Variants in TTBK2 observed in about 807,000 individuals in gnomAD.
The protein encoded by TTBK2 is tau tubulin kinase 2.
TTBK2 carries 28 observed loss-of-function variants against 110.8 expected under a neutral mutation model. That is an observed-to-expected ratio of 0.25 (90% CI 0.19 to 0.35). TTBK2 has a LOEUF of 0.35. TTBK2 is among the 10% of genes least tolerant of loss of function. The pLI is 1.00. For synonymous variants in TTBK2, 532 were observed against 527.3 expected (o/e 1.01, Z -0.12); for missense variants, 1,369 against 1,500.3 (o/e 0.91, Z 1.45).
At chr15:42,771,277 GC>G in intron 13 of TTBK2, among the ~76,000 whole-genome samples, 1 of 151,952 alleles carries the variant, frequency 6.6e-6, no homozygotes, top group Non-Finnish European at 1.5e-5. Context: ...CCGGCCTGAA[GC>G]ATTCCTTAAC....
intron 1 of TTBK2, among the ~76,000 whole-genome samples, chr15:42,886,653 G>A (rs1190066097): frequency 1.3e-5 from 2 of 152,138 alleles, no homozygotes; most frequent in Non-Finnish European, 2.9e-5. Context: ...CACCTTCAAG[G>A]TGTACAGTAA....
Position 42,763,153 on chromosome 15 carries a change from T to C in TTBK2, c.1999-9906A>G, listed in dbSNP as rs1324069860. ...ATACATATATACATACATATATATA[T>C]ATACATATATATATATATATATATA... is the stretch of plus-strand genomic sequence containing the variant. On this transcript the variant is annotated intron_variant, in intron 13 of 14. Coordinates refer to ENST00000267890, the MANE Select transcript of TTBK2 (RefSeq NM_173500.4). Among the ~76,000 whole-genome samples the C allele has an allele frequency of 1.5e-3, 86 of 56,818 alleles. 2 individuals are homozygous for C. The highest frequency in any genetic ancestry group is 9.3e-3 in the African/African-American group (75 of 8,040). 37.3% of individuals were successfully genotyped at this position (56,818 alleles called of 152,430 possible).
At chr15:42,829,914 G>A (rs760426943) in intron 5 of TTBK2, 24 bp downstream of exon 5, 3 of 1,613,554 alleles carry the variant, frequency 1.9e-6, no homozygotes, top group Non-Finnish European at 2.5e-6. Context: ...CTCATTCTGT[G>A]CTCTGGATAG....
At chr15:42,908,626 T>C (rs1239738851) in intron 1 of TTBK2, among the ~76,000 whole-genome samples, 1 of 152,242 alleles carries the variant, frequency 6.6e-6, no homozygotes. Flanking sequence ...AGTAGGAATA[T>C]ACTTTGTTGT....
rs1456382667 is a variant in TTBK2, at chr15:42,741,994, C to T, written c.*3801G>A. 1 of 152,126 alleles carries T rather than the reference C, an allele frequency of 6.6e-6. No individual in the cohort carries two copies. The highest frequency in any genetic ancestry group is 1.5e-5 in the Non-Finnish European group (1 of 68,020). 9.4% of individuals were successfully genotyped at this position (152,126 alleles called of 1,614,324 possible). A position where few individuals can be genotyped will look rare whatever the true frequency, so the allele number is the denominator to read the frequency against. On this transcript the variant is annotated 3_prime_UTR_variant, in exon 15 of 15. Transcript: ENST00000267890. ...AAACATGCACCAATGTACACTTTCT[C>T]CTTGTAGATTGAATGCAACTATAGA...
In TTBK2 at chr15:42,840,357, T is replaced by C. The variant is rs1376768231; in HGVS notation, c.291+3A>G. The C allele has an allele frequency of 3.1e-6, 5 of 1,613,432 alleles. No homozygotes were observed. Among genetic ancestry groups the C allele is most frequent in the East Asian group, 4.5e-5 (2 of 44,830 alleles). On this transcript the variant is annotated splice_donor_region_variant and intron_variant, in intron 4 of 14. Transcript: ENST00000267890. Reference sequence around the variant, plus strand: ...TTAAAGATACGTTTTCAAGGTAACCTACCTGCAACTGCATGACCACATAGT... The same window carrying C: ...TTAAAGATACGTTTTCAAGGTAACCCACCTGCAACTGCATGACCACATAGT...
chr15:42,919,692 A>T, intron 1 of TTBK2: 1 of 494,824 alleles, frequency 2.0e-6, no homozygotes, highest in Non-Finnish European at 2.6e-6. Flanking sequence ...GAGAAGAGTT[A>T]ATACCAGGAT....
chr15:42,913,110 C>T (rs1244938114), intron 1 of TTBK2, among the ~76,000 whole-genome samples: 5 of 121,340 alleles, frequency 4.1e-5, no homozygotes, highest in Non-Finnish European at 6.3e-5. Context: ...CCGACCTGGG[C>T]GACAGAGCGA....
At chr15:42,756,713 A>T (rs1056171419) in intron 13 of TTBK2, among the ~76,000 whole-genome samples, 4 of 152,142 alleles carry the variant, frequency 2.6e-5, no homozygotes, top group African/African-American at 7.2e-5. Flanking sequence ...ATGGTATAAA[A>T]AAAAGAGTGG....
chr15:42,830,969 C>T (rs1892733837), intron 4 of TTBK2, among the ~76,000 whole-genome samples: 1 of 151,172 alleles, frequency 6.6e-6, no homozygotes, highest in Admixed American at 6.6e-5. Flanking sequence ...CACGCCACCG[C>T]ACTACAGCCT....
Position 42,739,150 on chromosome 15 carries a change from C to T in TTBK2, c.*6645G>A, listed in dbSNP as rs936232205. On this transcript the variant is annotated 3_prime_UTR_variant, in exon 15 of 15. Coordinates refer to ENST00000267890, the MANE Select transcript of TTBK2 (RefSeq NM_173500.4). ...ATACAAAAGCACTCCATGTTTCTGC[C>T]GATACTCTGTCCTTGGTTGCCTGAG... is the stretch of plus-strand genomic sequence containing the variant. 8 of 152,114 alleles carry T rather than the reference C, an allele frequency of 5.3e-5. No homozygotes were observed. The highest frequency in any genetic ancestry group is 1.3e-4 in the Admixed American group (2 of 15,282). The allele number at this position is 152,114 out of a possible 1,614,324, so 9.4% of individuals were successfully genotyped here.
chr15:42,782,762 T>C (rs1177437709), intron 11 of TTBK2, among the ~76,000 whole-genome samples: 1 of 152,236 alleles, frequency 6.6e-6, no homozygotes, highest in African/African-American at 2.4e-5. Flanking sequence ...TGAGATTAAA[T>C]AGTGATAGTG....
rs1177964965 is a variant in TTBK2, at chr15:42,741,939, T to C, written c.*3856A>G. 1 of 152,252 alleles carries C rather than the reference T, an allele frequency of 6.6e-6. No individual in the cohort carries two copies. Among genetic ancestry groups the C allele is most frequent in the Non-Finnish European group, 1.5e-5 (1 of 68,044 alleles). The allele number at this position is 152,252 out of a possible 1,614,324, so 9.4% of individuals were successfully genotyped here. On this transcript the variant is annotated 3_prime_UTR_variant, in exon 15 of 15. Transcript: ENST00000267890. ...GCTCTGGGTATAGAAAAACTAATTA[T>C]GGTTTTAGCTATCTGTGTCTGGGTT...
intron 3 of TTBK2, among the ~76,000 whole-genome samples, chr15:42,858,700 G>C (rs1437380628): frequency 5.3e-5 from 8 of 152,148 alleles, no homozygotes; most frequent in Non-Finnish European, 1.5e-5. Flanking sequence ...CAGACACAGA[G>C]AGTTATGACA....
intron 13 of TTBK2, among the ~76,000 whole-genome samples, chr15:42,753,922 T>C (rs150169249): frequency 6.6e-6 from 1 of 152,276 alleles, no homozygotes; most frequent in East Asian, 1.9e-4. Flanking sequence ...GATACAGGAT[T>C]ACAGGAAAAA....
At chr15:42,776,610 C>T (rs7174661) in intron 12 of TTBK2, among the ~76,000 whole-genome samples, 7,746 of 152,258 alleles carry the variant, frequency 0.051, 549 homozygotes, top group African/African-American at 0.15. Flanking sequence ...ACTCACCGTC[C>T]CTTGTGTATG....
intron 4 of TTBK2, among the ~76,000 whole-genome samples, chr15:42,830,621 C>A (rs967817217): frequency 4.6e-5 from 7 of 151,918 alleles, no homozygotes; most frequent in African/African-American, 1.7e-4. Flanking sequence ...CCCTTTATCT[C>A]TGAAGTCATA....
intron 5 of TTBK2, among the ~76,000 whole-genome samples, chr15:42,829,129 G>A (rs903117362): frequency 1.7e-4 from 26 of 152,024 alleles, no homozygotes; most frequent in Non-Finnish European, 4.4e-5. Context: ...AACAACTGAC[G>A]GTTATACTTT....
intron 10 of TTBK2, among the ~76,000 whole-genome samples, chr15:42,791,322 C>T (rs1890673408): frequency 6.6e-6 from 1 of 152,180 alleles, no homozygotes. Context: ...CCAGCCAGTT[C>T]TCTGTTTTTA....
Sources: gnomAD v4.1 joint callset for allele counts (sites outside exome capture counted in the v4.1 genomes callset) on GRCh38, gnomAD v4.1.1 for gene constraint, MANE v1.5 for transcripts, NCBI Gene and HGNC (gene_info 2026-07-23, HGNC 2026-07-21) for gene names.